KIAA1549L: variants seen among roughly 807,000 people sequenced by gnomAD.
KIAA1549L encodes the protein KIAA1549 like, also known as UPF0606 protein KIAA1549L.
Under a neutral mutation model 160.7 loss-of-function variants are expected in KIAA1549L, and 88 were observed. The ratio of observed to expected loss-of-function variants is 0.55; its 90% CI spans 0.46 to 0.65. The LOEUF (loss-of-function observed/expected upper bound fraction) is 0.65, where lower values mean the gene tolerates loss of function less well. Ranked by LOEUF, KIAA1549L falls within the 30% of genes least tolerant of loss-of-function variation. KIAA1549L has a pLI of 0.00. For synonymous variants in KIAA1549L, 950 were observed against 976.7 expected (o/e 0.97, Z 0.51); for missense variants, 2,258 against 2,437.5 (o/e 0.93, Z 1.55).
chr11:33,418,798 A>G (rs1309844748), intron 1 of KIAA1549L, among the ~76,000 whole-genome samples: 1 of 152,020 alleles, frequency 6.6e-6, no homozygotes, highest in Non-Finnish European at 1.5e-5. Context: ...GCTGGGCTAA[A>G]GCATTGAAGG....
rs71457306 is a variant in KIAA1549L, at chr11:33,530,414, GAAAAAAAAAAAA to G, written c.239-11376_239-11365del. Among the ~76,000 whole-genome samples, 144 of 16,486 alleles carry G rather than the reference GAAAAAAAAAAAA, an allele frequency of 8.7e-3. 3 individuals carry two copies. Among genetic ancestry groups the G allele is most frequent in the East Asian group, 0.022 (10 of 448 alleles). The allele number at this position is 16,486 out of a possible 152,430, so 10.8% of individuals were successfully genotyped here. A position where few individuals can be genotyped will look rare whatever the true frequency, so the allele number is the denominator to read the frequency against. On this transcript the variant is annotated intron_variant, in intron 1 of 20. Transcript: ENST00000658780. Reference sequence around the variant, plus strand: ...GAGACTCCGTCTAAAGAAGAAGAAGGAAAAAAAAAAAAAAAAAAAAAAATATATATATATATA... The same window carrying G: ...GAGACTCCGTCTAAAGAAGAAGAAGGAAAAAAAAAAATATATATATATATA...
chr11:33,510,688 A>G (rs1193564634), intron 1 of KIAA1549L, among the ~76,000 whole-genome samples: 2 of 152,260 alleles, frequency 1.3e-5, no homozygotes, highest in Admixed American at 1.3e-4. Flanking sequence ...AGGCTGAGAT[A>G]CTTCTGCAAA....
chr11:33,591,701 T>G (rs1157133249), intron 12 of KIAA1549L, among the ~76,000 whole-genome samples: 1 of 152,264 alleles, frequency 6.6e-6, no homozygotes, highest in African/African-American at 2.4e-5. Flanking sequence ...TACACTTATA[T>G]TTTAAACTTA....
rs543355276 is a variant in KIAA1549L at position 33,547,815 on chromosome 11, G to T, written c.3437G>T (p.Ser1146Ile). Residue 1146 changes from serine to isoleucine, a missense_variant, in exon 4 of 21, where the codon AGT becomes ATT. Physicochemically the swap from Ser to Ile is moderately radical, Grantham distance 142 (BLOSUM62 -2). Around this residue, in one of 6 missense-constraint regions of KIAA1549L, gnomAD observed 1,359 missense variants for 1,546.6 expected, o/e 0.88. Coordinates refer to ENST00000658780, the MANE Select transcript of KIAA1549L (RefSeq NM_012194.3). ...CAGATCAGTGAATCCTTGAAGTTCAGTATCGCCAAAGGGCTCACACAGGCA... is the reference window on the plus strand; with the variant it reads ...CAGATCAGTGAATCCTTGAAGTTCATTATCGCCAAAGGGCTCACACAGGCA... ...RVQISESLKF[S>I]IAKGLTQALR... The T allele has an allele frequency of 1.9e-6, 3 of 1,613,752 alleles. No individual in the cohort carries two copies. In the African/African-American group the frequency reaches 4.0e-5, roughly 21 times the overall value.
In KIAA1549L at chr11:33,542,174, C is replaced by G. The variant is rs78716240; in HGVS notation, c.611C>G (p.Ser204Trp). 3.1e-5 allele frequency: 19 copies of G among 620,784 alleles called. No homozygotes were observed. The highest frequency in any genetic ancestry group is 4.8e-5 in the Non-Finnish European group (16 of 332,092). The allele number at this position is 620,784 out of a possible 1,614,324, so 38.5% of individuals were successfully genotyped here. The change falls in exon 2 of 21, where the codon TCG becomes TGG. Residue 204 changes from serine to tryptophan, a missense_variant. Around this residue, in one of 6 missense-constraint regions of KIAA1549L, gnomAD observed 540 missense variants for 465.7 expected, o/e 1.16. Coordinates refer to ENST00000658780, the MANE Select transcript of KIAA1549L (RefSeq NM_012194.3). ...SGLPLTSMLP[S>W]LSTVPSGTSF... ...TTGCCTCTCACCAGCATGCTCCCCTCGTTGTCCACAGTCCCATCAGGGACA... is the reference window on the plus strand; with the variant it reads ...TTGCCTCTCACCAGCATGCTCCCCTGGTTGTCCACAGTCCCATCAGGGACA...
intron 1 of KIAA1549L, among the ~76,000 whole-genome samples, chr11:33,411,201 G>A (rs1308398620): frequency 6.6e-6 from 1 of 152,184 alleles, no homozygotes; most frequent in African/African-American, 2.4e-5. Context: ...TTTTTCATAA[G>A]CCGAATTTTA....
At chr11:33,666,046 T>TG (rs556836681) in intron 20 of KIAA1549L, among the ~76,000 whole-genome samples, 103 of 151,946 alleles carry the variant, frequency 6.8e-4, no homozygotes, top group African/African-American at 2.4e-3. Flanking sequence ...CAGCTATGGG[T>TG]GGGGTGGTTG....
chr11:33,671,066 C>T lies in KIAA1549L; in HGVS notation c.*2912C>T, dbSNP rs948229450. The T allele has an allele frequency of 2.6e-5, 4 of 152,184 alleles. No homozygotes were observed. The highest frequency in any genetic ancestry group is 4.4e-5 in the Non-Finnish European group (3 of 68,044). The allele number at this position is 152,184 out of a possible 1,614,324, so 9.4% of individuals were successfully genotyped here. Reference sequence around the variant, plus strand: ...AAAAGATGATTGAGTATATAACGAACTTCAGATACAGTGTATAGAGGATGA... The same window carrying T: ...AAAAGATGATTGAGTATATAACGAATTTCAGATACAGTGTATAGAGGATGA... On this transcript the variant is annotated 3_prime_UTR_variant, in exon 21 of 21. Transcript: ENST00000658780.
chr11:33,522,220 G>T (rs541182973), intron 1 of KIAA1549L, among the ~76,000 whole-genome samples: 1 of 152,280 alleles, frequency 6.6e-6, no homozygotes, highest in African/African-American at 2.4e-5. Flanking sequence ...GAGGCAATCA[G>T]TTTAATCATT....
At chr11:33,615,728 C>T (rs925136722) in intron 15 of KIAA1549L, among the ~76,000 whole-genome samples, 2 of 152,156 alleles carry the variant, frequency 1.3e-5, no homozygotes, top group Admixed American at 1.3e-4. Flanking sequence ...CACACTCTCG[C>T]TATTGTACTT....
intron 1 of KIAA1549L, among the ~76,000 whole-genome samples, chr11:33,533,815 C>T (rs1262802426): frequency 1.3e-5 from 2 of 152,202 alleles, no homozygotes; most frequent in Non-Finnish European, 2.9e-5. Flanking sequence ...TGCTTGCTTT[C>T]ACCCTTGTTT....
chr11:33,512,725 C>G (rs937207711), intron 1 of KIAA1549L, among the ~76,000 whole-genome samples: 7 of 152,150 alleles, frequency 4.6e-5, no homozygotes, highest in African/African-American at 1.7e-4. Context: ...CCGGCCCCTG[C>G]TCTAGGTAAT....
intron 17 of KIAA1549L, among the ~76,000 whole-genome samples, chr11:33,649,530 A>T (rs1197978988): frequency 1.4e-5 from 2 of 139,730 alleles, no homozygotes; most frequent in South Asian, 4.7e-4. Context: ...AAAAAAAAGA[A>T]GCAGCAGCAG....
At chr11:33,428,008 A>C (rs2615893) in intron 1 of KIAA1549L, among the ~76,000 whole-genome samples, 90,199 of 151,944 alleles carry the variant, frequency 0.59, 27,213 homozygotes, top group African/African-American at 0.68. Flanking sequence ...TTTGCTTATC[A>C]GTTCGTCCAC....
At chr11:33,521,935 G>A (rs769032653) in intron 1 of KIAA1549L, among the ~76,000 whole-genome samples, 1 of 152,192 alleles carries the variant, frequency 6.6e-6, no homozygotes, top group Non-Finnish European at 1.5e-5. Flanking sequence ...GATAGAAATA[G>A]AACTTTCGTT....
intron 1 of KIAA1549L, among the ~76,000 whole-genome samples, chr11:33,380,711 A>T (rs1300785407): frequency 6.6e-6 from 1 of 152,094 alleles, no homozygotes; most frequent in African/African-American, 2.4e-5. Flanking sequence ...TAAGAATTTT[A>T]TGAATCTGGG....
chr11:33,631,598 C>A (rs554303869), intron 16 of KIAA1549L, among the ~76,000 whole-genome samples: 1 of 152,154 alleles, frequency 6.6e-6, no homozygotes, highest in African/African-American at 2.4e-5. Context: ...GCAGATGTCC[C>A]CTGGTGGTCA....
intron 17 of KIAA1549L, among the ~76,000 whole-genome samples, chr11:33,648,286 A>C (rs971673729): frequency 1.3e-5 from 2 of 152,036 alleles, no homozygotes; most frequent in African/African-American, 4.8e-5. Flanking sequence ...GTGAGCCATC[A>C]TGGCTGGCCG....
intron 1 of KIAA1549L, among the ~76,000 whole-genome samples, chr11:33,483,312 G>A (rs1309404354): frequency 6.6e-6 from 1 of 152,180 alleles, no homozygotes; most frequent in Non-Finnish European, 1.5e-5. Flanking sequence ...GTTGGAAATT[G>A]TTGAGGGGGA....
Sources: allele counts gnomAD v4.1 joint callset (sites outside exome capture counted in the v4.1 genomes callset), GRCh38; gene constraint gnomAD v4.1.1; regional missense constraint gnomAD v4.1.1; transcripts MANE v1.5; gene names NCBI Gene and HGNC (gene_info 2026-07-23, HGNC 2026-07-21).